Variants in AHR observed in about 807,000 individuals in gnomAD.
AHR encodes the protein AH-receptor.
AHR carries 40 observed loss-of-function variants against 86.8 expected under a neutral mutation model. The observed-to-expected ratio is 0.46, with a 90% CI of 0.36 to 0.60. The LOEUF is 0.60. AHR is among the 20% of genes least tolerant of loss of function. The probability of loss-of-function intolerance (pLI) is 0.00; values close to 1 mark genes in which losing one functional copy is unlikely to be tolerated. For missense variants in AHR, 1,001 were observed against 1,011.6 expected (o/e 0.99, Z 0.14); for synonymous variants, 398 against 354.9 (o/e 1.12, Z -1.37).
chr7:17,316,629 G>A (rs1392677574), intron 2 of AHR, among the ~76,000 whole-genome samples: 1 of 152,136 alleles, frequency 6.6e-6, no homozygotes, highest in Non-Finnish European at 1.5e-5. Flanking sequence ...ACGGAGACAA[G>A]TAGTCTGATG....
intron 2 of AHR, among the ~76,000 whole-genome samples, chr7:17,311,295 A>G (rs1415950150): frequency 6.6e-6 from 1 of 152,190 alleles, no homozygotes; most frequent in Non-Finnish European, 1.5e-5. Context: ...GTGCTTACAA[A>G]TCACATAGGG....
At chr7:17,315,050 T>C (rs1201364700) in intron 2 of AHR, among the ~76,000 whole-genome samples, 1 of 152,040 alleles carries the variant, frequency 6.6e-6, no homozygotes, top group Admixed American at 6.6e-5. Context: ...AAACTCTAAT[T>C]ACAATATTCA....
Position 17,339,838 on chromosome 7 carries a change from A to G in AHR, c.2013A>G (p.Gln671=), listed in dbSNP as rs1782399614. The change falls in exon 10 of 11, where the codon CAA becomes CAG. Residue 671 remains glutamine (Q), a synonymous_variant. Coordinates refer to ENST00000242057, the MANE Select transcript of AHR (RefSeq NM_001621.5). ...PFNCPQQDPQ[Q]YNVFTDLHGI... The stretch of plus-strand genomic sequence containing the variant: ...ATTGTCCACAGCAAGACCCACAACA[A>G]TATAATGTCTTTACAGACTTACATG... 1 of 1,614,236 alleles carries G rather than the reference A, an allele frequency of 6.2e-7. No homozygotes were observed. The highest frequency in any genetic ancestry group is 8.5e-7 in the Non-Finnish European group (1 of 1,180,030).
intron 5 of AHR, 45 bp downstream of exon 5, chr7:17,330,120 A>G (rs1782271650): frequency 1.3e-6 from 2 of 1,579,832 alleles, no homozygotes; most frequent in South Asian, 2.3e-5. Flanking sequence ...GTTTTTAAAT[A>G]TGAGTCTGTG....
chr7:17,302,080 G>C (rs923854428), intron 1 of AHR, among the ~76,000 whole-genome samples: 1 of 151,882 alleles, frequency 6.6e-6, no homozygotes, highest in African/African-American at 2.4e-5. Flanking sequence ...TTTTTCCCTA[G>C]TGATAATTTT....
At chr7:17,305,254 T>G (rs536726598) in intron 1 of AHR, among the ~76,000 whole-genome samples, 22 of 152,244 alleles carry the variant, frequency 1.4e-4, no homozygotes, top group African/African-American at 5.1e-4. Context: ...GACAATGAAG[T>G]TGGGGTCTAT....
rs747737461 is a variant in AHR at position 17,333,892 on chromosome 7, G to T, written c.706-20G>T. On this transcript the variant is annotated intron_variant, in intron 6 of 10. Transcript: ENST00000242057. ...ATTGTTAATTTTAATGAACTTTTTT[G>T]TTGTTGTTGCTTTTTTAAGGCAATG... 32 of 1,598,742 alleles carry T rather than the reference G, an allele frequency of 2.0e-5. No homozygotes were observed. Among genetic ancestry groups the T allele is most frequent in the South Asian group, 1.8e-4 (16 of 90,370 alleles).
At chr7:17,303,716 C>T (rs758930898) in intron 1 of AHR, among the ~76,000 whole-genome samples, 9 of 151,950 alleles carry the variant, frequency 5.9e-5, no homozygotes, top group East Asian at 1.9e-4. Flanking sequence ...ACCCTTGGGA[C>T]GTGTAAATTT....
At chr7:17,323,040 T>TC (rs1190802202) in intron 3 of AHR, among the ~76,000 whole-genome samples, 5 of 152,072 alleles carry the variant, frequency 3.3e-5, no homozygotes, top group Non-Finnish European at 7.4e-5. Flanking sequence ...TCTATGATGT[T>TC]TGCATGATGA....
chr7:17,307,485 G>T (rs1231021093), intron 1 of AHR, among the ~76,000 whole-genome samples: 1 of 152,102 alleles, frequency 6.6e-6, no homozygotes, highest in Non-Finnish European at 1.5e-5. Context: ...TAACAAGGAG[G>T]TTGTATGAAA....
chr7:17,326,207 C>T (rs1022736850), intron 3 of AHR, among the ~76,000 whole-genome samples: 2 of 152,144 alleles, frequency 1.3e-5, no homozygotes, highest in East Asian at 3.9e-4. Context: ...CACTCAAATA[C>T]ATAAAAACAT....
chr7:17,327,114 A>G (rs1042874588), intron 3 of AHR, among the ~76,000 whole-genome samples: 6 of 152,038 alleles, frequency 3.9e-5, no homozygotes, highest in Non-Finnish European at 8.8e-5. Context: ...AACATTATAC[A>G]TGTGAATGTG....
At position 17,339,998 on chromosome 7, in the gene AHR, G is replaced by A; in HGVS notation, c.2173G>A (p.Glu725Lys). Residue 725 changes from glutamate (E) to lysine (K), a missense_variant, in exon 10 of 11, where the codon GAA becomes AAA. By Grantham distance (56) the Glu-to-Lys change is moderately conservative. Transcript: ENST00000242057. ...TELDYPMGSF[E>K]PSPYPTTSSL... Reference sequence around the variant, plus strand: ...GCTGGACTACCCTATGGGGAGTTTTGAACCATCCCCATACCCCACTACTTC... The same window carrying A: ...GCTGGACTACCCTATGGGGAGTTTTAAACCATCCCCATACCCCACTACTTC... 1 of 1,614,124 alleles carries A rather than the reference G, an allele frequency of 6.2e-7. No individual in the cohort carries two copies. The highest frequency in any genetic ancestry group is 8.5e-7 in the Non-Finnish European group (1 of 1,180,012).
At chr7:17,338,911 T>C (rs1159228628) in intron 9 of AHR, 75 bp from the exon 10 acceptor site, 1 of 1,361,978 alleles carries the variant, frequency 7.3e-7, no homozygotes, top group Non-Finnish European at 9.8e-7. Context: ...CTTTATGTTT[T>C]TCTTTTTTAA....
chr7:17,335,540 A>G, intron 8 of AHR, 105 bp from the exon 9 acceptor site: 1 of 921,446 alleles, frequency 1.1e-6, no homozygotes, highest in Non-Finnish European at 1.5e-6. Flanking sequence ...CTTTGGGGAT[A>G]AAGGAAATAC....
chr7:17,321,557 T>G (rs1404084790), intron 2 of AHR, among the ~76,000 whole-genome samples: 1 of 149,378 alleles, frequency 6.7e-6, no homozygotes, highest in African/African-American at 2.5e-5. Context: ...TCAGCTGCGC[T>G]TCCTCCCAGA....
intron 1 of AHR, among the ~76,000 whole-genome samples, chr7:17,301,502 T>C (rs1382256313): frequency 6.6e-6 from 1 of 151,902 alleles, no homozygotes; most frequent in Non-Finnish European, 1.5e-5. Context: ...TTTTATTTTA[T>C]TTACAGATAA....
In AHR at chr7:17,298,978, G is replaced by A; in HGVS notation, c.-287G>A. ...CGGGCATTGCCGCGCCGCCTCCGCC[G>A]GTGTAGACGGCACCTGCGCCGCCTT... On this transcript the variant is annotated 5_prime_UTR_variant, in exon 1 of 11. Transcript: ENST00000242057. 2.2e-6 allele frequency: 1 copy of A among 449,122 alleles called. No individual in the cohort carries two copies. The highest frequency in any genetic ancestry group is 2.0e-5 in the African/African-American group (1 of 48,878). 27.8% of individuals were successfully genotyped at this position (449,122 alleles called of 1,614,324 possible). A position where few individuals can be genotyped will look rare whatever the true frequency, so the allele number is the denominator to read the frequency against.
At chr7:17,323,760 T>G (rs942128532) in intron 3 of AHR, among the ~76,000 whole-genome samples, 4 of 152,192 alleles carry the variant, frequency 2.6e-5, no homozygotes, top group Non-Finnish European at 5.9e-5. Flanking sequence ...AATTAACTTA[T>G]GTTAAACAAA....
Sources: gnomAD v4.1 joint callset for allele counts (sites outside exome capture counted in the v4.1 genomes callset) on GRCh38, gnomAD v4.1.1 for gene constraint, MANE v1.5 for transcripts, NCBI Gene and HGNC (gene_info 2026-07-23, HGNC 2026-07-21) for gene names.